TNR: variants seen among roughly 807,000 people sequenced by gnomAD.
TNR encodes tenascin-R.
A neutral mutation model predicts 150.4 loss-of-function variants in TNR; 45 were observed. The observed-to-expected ratio is 0.30, with a 90% CI of 0.24 to 0.38. The LOEUF (loss-of-function observed/expected upper bound fraction) is 0.38. TNR is among the 10% of genes least tolerant of loss of function. TNR has a pLI of 1.00. For missense variants in TNR, 1,544 were observed against 1,759.1 expected, an observed-to-expected ratio of 0.88 and a Z score of 2.19; for synonymous variants, 687 against 678.4, an observed-to-expected ratio of 1.01 and a Z score of -0.20.
chr1:175,646,711 G>A (rs565640296), intron 1 of TNR, among the ~76,000 whole-genome samples: 4 of 152,264 alleles, frequency 2.6e-5, no homozygotes, highest in African/African-American at 4.8e-5. Flanking sequence ...TCTACCTTAC[G>A]GCAGCAATCA....
intron 2 of TNR, among the ~76,000 whole-genome samples, chr1:175,433,298 C>T (rs1048304231): frequency 5.3e-5 from 8 of 152,182 alleles, no homozygotes; most frequent in Non-Finnish European, 7.3e-5. Context: ...GATTCACTAA[C>T]CTCATCAAAA....
At chr1:175,544,622 G>A (rs1229359204) in intron 1 of TNR, among the ~76,000 whole-genome samples, 1 of 152,202 alleles carries the variant, frequency 6.6e-6, no homozygotes, top group Non-Finnish European at 1.5e-5. Flanking sequence ...GTGCTAATTG[G>A]TGTTAAGGGC....
Position 175,316,136 on chromosome 1 carries a change from G to A in TNR, c.*7221C>T, listed in dbSNP as rs960633014. 6.6e-6 allele frequency: 1 copy of A among 152,218 alleles called. No homozygotes were observed. Among genetic ancestry groups the A allele is most frequent in the Non-Finnish European group, 1.5e-5 (1 of 68,042 alleles). The allele number at this position is 152,218 out of a possible 1,614,324, so 9.4% of individuals were successfully genotyped here. ...ATTCAATTAAAGGGAAGGGGTTTAT[G>A]TCTGGAGTTTTGGCCTGGCAGCTAA... On this transcript the variant is annotated 3_prime_UTR_variant, in exon 23 of 23. Transcript: ENST00000367674.
At chr1:175,613,177 A>G (rs1663651086) in intron 1 of TNR, among the ~76,000 whole-genome samples, 1 of 152,126 alleles carries the variant, frequency 6.6e-6, no homozygotes, top group African/African-American at 2.4e-5. Flanking sequence ...ATCTTTCTAG[A>G]AGGGTGCTAC....
At chr1:175,392,459 C>T (rs1037123773) in intron 6 of TNR, among the ~76,000 whole-genome samples, 8 of 152,202 alleles carry the variant, frequency 5.3e-5, no homozygotes, top group Non-Finnish European at 8.8e-5. Context: ...CCTGGTCAGC[C>T]TCTCTTTTAA....
At chr1:175,629,130 C>T (rs540498349) in intron 1 of TNR, among the ~76,000 whole-genome samples, 10 of 152,032 alleles carry the variant, frequency 6.6e-5, no homozygotes, top group Non-Finnish European at 1.5e-4. Flanking sequence ...AGATGATTCG[C>T]CTCCTCTCCA....
chr1:175,603,379 G>T (rs1027096125), intron 1 of TNR, among the ~76,000 whole-genome samples: 1 of 152,190 alleles, frequency 6.6e-6, no homozygotes, highest in East Asian at 1.9e-4. Flanking sequence ...GGGTCAGTAA[G>T]AATTGACAAA....
At chr1:175,725,426 CA>C (rs1264306569) in intron 1 of TNR, among the ~76,000 whole-genome samples, 38 of 152,270 alleles carry the variant, frequency 2.5e-4, no homozygotes, top group African/African-American at 8.7e-4. Context: ...ATGGCAACAT[CA>C]GGGGTCTCAA....
chr1:175,695,893 T>C (rs1040733863), intron 1 of TNR, among the ~76,000 whole-genome samples: 3 of 152,226 alleles, frequency 2.0e-5, no homozygotes, highest in Admixed American at 2.0e-4. Flanking sequence ...TACTTATCTC[T>C]GTGTTCCCAG....
intron 4 of TNR, among the ~76,000 whole-genome samples, chr1:175,398,919 G>A (rs973381511): frequency 4.6e-5 from 7 of 152,210 alleles, no homozygotes; most frequent in Non-Finnish European, 1.0e-4. Context: ...TACCAATGAG[G>A]AAACTGAATC....
At chr1:175,409,821 T>C (rs889023966) in intron 2 of TNR, among the ~76,000 whole-genome samples, 10 of 151,342 alleles carry the variant, frequency 6.6e-5, no homozygotes, top group Admixed American at 5.9e-4. Context: ...TATATGCTGG[T>C]CTTTTTCTTT....
chr1:175,323,514 C>A (rs372251167), intron 22 of TNR, 38 bp from the exon 23 acceptor site: 24 of 1,603,596 alleles, frequency 1.5e-5, no homozygotes, highest in Admixed American at 8.4e-5. Flanking sequence ...GGTCATCCCC[C>A]ACCATGGAAC....
chr1:175,337,484 C>T, intron 19 of TNR, 44 bp downstream of exon 19: 1 of 1,610,460 alleles, frequency 6.2e-7, no homozygotes, highest in Admixed American at 1.7e-5. Flanking sequence ...TAGACTAGAA[C>T]ACTGAGGACG....
intron 1 of TNR, among the ~76,000 whole-genome samples, chr1:175,582,869 G>T (rs1032887272): frequency 6.6e-6 from 1 of 151,860 alleles, no homozygotes; most frequent in South Asian, 2.1e-4. Context: ...CATGGGATTG[G>T]GTTCATTATA....
intron 2 of TNR, among the ~76,000 whole-genome samples, chr1:175,436,256 C>T (rs1655502751): frequency 1.3e-5 from 2 of 152,322 alleles, no homozygotes; most frequent in African/African-American, 4.8e-5. Context: ...TCCATTCTCC[C>T]CGTCACTTTC....
At chr1:175,525,113 G>C (rs1659799841) in intron 2 of TNR, among the ~76,000 whole-genome samples, 1 of 152,166 alleles carries the variant, frequency 6.6e-6, no homozygotes, top group Non-Finnish European at 1.5e-5. Flanking sequence ...TCATGATGGT[G>C]GGTGAGTTTT....
chr1:175,568,897 T>G lies in TNR; in HGVS notation c.-164-40528A>C, dbSNP rs1269546847. Among the ~76,000 whole-genome samples the G allele has an allele frequency of 9.9e-5, 15 of 152,150 alleles. 1 individual carries two copies. The East Asian group carries it at 2.5e-3, about 25-fold the overall frequency. On this transcript the variant is annotated intron_variant, in intron 1 of 22. Coordinates refer to ENST00000367674, the MANE Select transcript of TNR (RefSeq NM_003285.3). ...AAGGAAGAGCTTGCCTTCATTTTGATGCCAAGACTAAGGAAAAGTTCCTTT... is the reference window on the plus strand; with the variant it reads ...AAGGAAGAGCTTGCCTTCATTTTGAGGCCAAGACTAAGGAAAAGTTCCTTT...
At chr1:175,720,770 G>A (rs994230777) in intron 1 of TNR, among the ~76,000 whole-genome samples, 6 of 152,200 alleles carry the variant, frequency 3.9e-5, no homozygotes, top group African/African-American at 1.2e-4. Flanking sequence ...GGAGGATTAC[G>A]CCTCAATCCA....
At position 175,391,386 on chromosome 1, in the gene TNR, T is replaced by G. The variant is rs750242593; in HGVS notation, c.1409A>C (p.Asn470Thr). The part of the protein sequence containing the change: ...AQVPSDVTSF[N>T]QTGLKPGEEY... ...CTCCCCAGGCTTTAGTCCTGTCTGG[T>G]TAAAGGACGTAACATCGCTGGGGAC... Residue 470 changes from asparagine (N) to threonine (T), a missense_variant, in exon 7 of 23, where the codon AAC (asparagine) becomes ACC (threonine). This residue lies in a region of TNR where 1,254 missense variants were observed against 1,329.4 expected (regional missense o/e 0.94). Coordinates refer to ENST00000367674, the MANE Select transcript of TNR (RefSeq NM_003285.3). 3 of 1,614,170 alleles carry G rather than the reference T, an allele frequency of 1.9e-6. No individual in the cohort carries two copies. Among genetic ancestry groups the G allele is most frequent in the Admixed American group, 1.7e-5 (1 of 60,012 alleles).
Sources: allele counts gnomAD v4.1 joint callset (sites outside exome capture counted in the v4.1 genomes callset), GRCh38; gene constraint gnomAD v4.1.1; regional missense constraint gnomAD v4.1.1; transcripts MANE v1.5; gene names NCBI Gene and HGNC (gene_info 2026-07-23, HGNC 2026-07-21).